Variants in NRG1 observed in about 807,000 individuals in gnomAD.
The protein encoded by NRG1 is pro-neuregulin-1, membrane-bound isoform.
A neutral mutation model predicts 63.8 loss-of-function variants in NRG1; 18 were observed. The observed-to-expected ratio is 0.28, with a 90% CI of 0.19 to 0.42. NRG1 has a LOEUF of 0.42. NRG1 is among the 10% of genes least tolerant of loss of function. The pLI, the probability that NRG1 is intolerant of heterozygous loss-of-function variation, is 1.00. For missense variants in NRG1, 762 were observed against 814.7 expected, an observed-to-expected ratio of 0.94 and a Z score of 0.79; for synonymous variants, 302 against 301.3, an observed-to-expected ratio of 1.00 and a Z score of -0.02.
chr8:32,242,441 T>A (rs2129469758), intron 1 of NRG1, among the ~76,000 whole-genome samples: 1 of 152,146 alleles, frequency 6.6e-6, no homozygotes, highest in Middle Eastern at 3.4e-3. Flanking sequence ...GCAATTGCAC[T>A]CCAGACTTGG....
At chr8:32,690,362 C>T (rs2128934557) in intron 5 of NRG1, among the ~76,000 whole-genome samples, 1 of 152,176 alleles carries the variant, frequency 6.6e-6, no homozygotes, top group South Asian at 2.1e-4. Context: ...TCAGCGACTC[C>T]TCCACTCACC....
At chr8:32,509,075 CTATTTTATTT>C (rs72050072) in intron 1 of NRG1, among the ~76,000 whole-genome samples, 85,045 of 149,418 alleles carry the variant, frequency 0.57, 24,533 homozygotes, top group East Asian at 0.78. Flanking sequence ...TTTTCTTTTC[CTATTTTATTT>C]TATTTTATTT....
chr8:32,402,621 G>A (rs1007707057), intron 1 of NRG1, among the ~76,000 whole-genome samples: 1 of 152,092 alleles, frequency 6.6e-6, no homozygotes, highest in African/African-American at 2.4e-5. Context: ...CAGTATGGGG[G>A]TGCTTGTGTT....
At chr8:32,732,579 A>G (rs1823957149) in intron 6 of NRG1, among the ~76,000 whole-genome samples, 1 of 152,108 alleles carries the variant, frequency 6.6e-6, no homozygotes, top group Non-Finnish European at 1.5e-5. Context: ...TCTGGACAAT[A>G]TATTTATTTA....
chr8:31,839,564 T>G (rs920508580), intron 1 of NRG1, among the ~76,000 whole-genome samples: 2 of 152,182 alleles, frequency 1.3e-5, no homozygotes, highest in African/African-American at 4.8e-5. Context: ...GTATCCTTTT[T>G]GTGCCCAAAC....
intron 5 of NRG1, among the ~76,000 whole-genome samples, chr8:32,629,612 ATATT>A (rs1264308067): frequency 2.2e-4 from 33 of 152,216 alleles, no homozygotes; most frequent in African/African-American, 7.2e-4. Flanking sequence ...GGCTTAAATA[ATATT>A]TATTAGAGAA....
intron 1 of NRG1, among the ~76,000 whole-genome samples, chr8:32,165,930 T>G (rs980940728): frequency 6.6e-6 from 1 of 152,174 alleles, no homozygotes; most frequent in Non-Finnish European, 1.5e-5. Context: ...ATGTGTTCGG[T>G]CAGCCCATTG....
intron 1 of NRG1, among the ~76,000 whole-genome samples, chr8:32,001,962 C>T (rs2129682527): frequency 6.6e-6 from 1 of 152,120 alleles, no homozygotes; most frequent in Non-Finnish European, 1.5e-5. Flanking sequence ...ATACACAGTT[C>T]ACACTTAAGG....
chr8:32,548,529 G>A, exon 1 of NRG1: 1 of 1,246,936 alleles, frequency 8.0e-7, no homozygotes, highest in Non-Finnish European at 1.0e-6. Flanking sequence ...GCCCGTTCCA[G>A]GTGGCCGGAC....
intron 1 of NRG1, among the ~76,000 whole-genome samples, chr8:32,092,987 A>G (rs578070438): frequency 6.6e-6 from 1 of 152,340 alleles, no homozygotes; most frequent in East Asian, 1.9e-4. Flanking sequence ...GCCAGTAACC[A>G]TCAGGGCTGA....
At chr8:31,763,205 C>A (rs1257700806) in intron 1 of NRG1, among the ~76,000 whole-genome samples, 12 of 152,128 alleles carry the variant, frequency 7.9e-5, no homozygotes, top group Non-Finnish European at 1.8e-4. Context: ...AAACCTACAG[C>A]AAACAACACA....
At chr8:31,793,503 A>G (rs570593866) in intron 1 of NRG1, among the ~76,000 whole-genome samples, 4 of 152,352 alleles carry the variant, frequency 2.6e-5, no homozygotes, top group African/African-American at 9.6e-5. Context: ...AAAAAATTAT[A>G]TGGGAATAAA....
intron 7 of NRG1, among the ~76,000 whole-genome samples, chr8:32,752,561 C>T (rs1470431809): frequency 6.6e-6 from 1 of 152,144 alleles, no homozygotes; most frequent in Non-Finnish European, 1.5e-5. Context: ...AACTTTGCAT[C>T]CACCTTTTCT....
chr8:31,821,897 A>G (rs1824040562), intron 1 of NRG1, among the ~76,000 whole-genome samples: 1 of 152,212 alleles, frequency 6.6e-6, no homozygotes, highest in African/African-American at 2.4e-5. Context: ...AGCCTGGTTT[A>G]TGTGTGCTAT....
intron 1 of NRG1, among the ~76,000 whole-genome samples, chr8:32,005,067 A>C (rs1813539920): frequency 6.6e-6 from 1 of 151,458 alleles, no homozygotes; most frequent in African/African-American, 2.4e-5. Context: ...TAGAGAAGGA[A>C]TAGAAAGGGA....
chr8:31,832,896 G>T (rs1366981477), intron 1 of NRG1, among the ~76,000 whole-genome samples: 1 of 152,132 alleles, frequency 6.6e-6, no homozygotes, highest in Non-Finnish European at 1.5e-5. Context: ...GTTTTGAGGA[G>T]ATCAGATTGT....
intron 1 of NRG1, among the ~76,000 whole-genome samples, chr8:32,210,177 A>G (rs1844546154): frequency 1.3e-5 from 2 of 152,200 alleles, no homozygotes; most frequent in Non-Finnish European, 2.9e-5. Context: ...GAGTCCCTTT[A>G]CAATCCAGGA....
At chr8:32,496,956 A>C (rs2129495726) in intron 1 of NRG1, among the ~76,000 whole-genome samples, 1 of 152,310 alleles carries the variant, frequency 6.6e-6, no homozygotes, top group South Asian at 2.1e-4. Flanking sequence ...CTCCTTTTAC[A>C]CATAAGGAAA....
intron 7 of NRG1, among the ~76,000 whole-genome samples, chr8:32,773,774 T>A (rs866373539): frequency 1.3e-5 from 2 of 152,194 alleles, no homozygotes; most frequent in Admixed American, 6.5e-5. Flanking sequence ...ATCTCCTGGT[T>A]ACGGCCCCTC....
Sources: gnomAD v4.1 joint callset for allele counts (sites outside exome capture counted in the v4.1 genomes callset) on GRCh38, gnomAD v4.1.1 for gene constraint, MANE v1.5 for transcripts, NCBI Gene and HGNC (gene_info 2026-07-23, HGNC 2026-07-21) for gene names.